Variants in PPP1R1C observed in about 807,000 individuals in gnomAD.
PPP1R1C encodes protein phosphatase 1 regulatory inhibitor subunit 1C.
Under a neutral mutation model 17.4 loss-of-function variants are expected in PPP1R1C, and 15 were observed. The ratio of observed to expected loss-of-function variants is 0.86; its 90% confidence interval spans 0.58 to 1.33. The LOEUF (loss-of-function observed/expected upper bound fraction) is 1.33. Ranked by LOEUF, PPP1R1C falls within the 40% of genes most tolerant of loss-of-function variation. The pLI is 0.00. For synonymous variants in PPP1R1C, 35 were observed against 43.1 expected, an observed-to-expected ratio of 0.81 and a Z score of 0.73; for missense variants, 143 against 130.0, an observed-to-expected ratio of 1.10 and a Z score of -0.48.
At chr2:182,071,458 T>C (rs1006028960) in intron 4 of PPP1R1C, among the ~76,000 whole-genome samples, 2 of 152,256 alleles carry the variant, frequency 1.3e-5, no homozygotes, top group Non-Finnish European at 2.9e-5. Context: ...ACCAATATGG[T>C]TTATCGCTGT....
At chr2:182,085,194 A>G (rs1327408599) in intron 4 of PPP1R1C, among the ~76,000 whole-genome samples, 3 of 152,116 alleles carry the variant, frequency 2.0e-5, no homozygotes, top group Non-Finnish European at 4.4e-5. Context: ...ATATAATCAT[A>G]TCATTAGCAA....
chr2:181,984,275 AAGT>A (rs1685248175), upstream of PPP1R1C, among the ~76,000 whole-genome samples: 3 of 152,346 alleles, frequency 2.0e-5, 1 homozygote, highest in South Asian at 6.2e-4. Flanking sequence ...TAAACTTGGT[AAGT>A]AGCAGAGCTA....
At chr2:182,013,327 C>G (rs1297870140) in intron 2 of PPP1R1C, among the ~76,000 whole-genome samples, 1 of 151,860 alleles carries the variant, frequency 6.6e-6, no homozygotes, top group Non-Finnish European at 1.5e-5. Context: ...GCATTTTTTC[C>G]CCCTTCATCA....
At chr2:182,057,798 A>T (rs1366455256) in intron 2 of PPP1R1C, among the ~76,000 whole-genome samples, 1 of 152,110 alleles carries the variant, frequency 6.6e-6, no homozygotes, top group Non-Finnish European at 1.5e-5. Context: ...TACATTGTCT[A>T]CTTTCTAATC....
chr2:182,005,781 G>T (rs1685901322), intron 2 of PPP1R1C, among the ~76,000 whole-genome samples: 1 of 152,122 alleles, frequency 6.6e-6, no homozygotes, highest in Non-Finnish European at 1.5e-5. Context: ...AACAGAAGAG[G>T]TTAACGTTGG....
At chr2:182,052,871 A>T (rs575773450) in intron 2 of PPP1R1C, among the ~76,000 whole-genome samples, 82 of 152,322 alleles carry the variant, frequency 5.4e-4, no homozygotes, top group African/African-American at 1.9e-3. Context: ...ACTTCCTGTC[A>T]GCTCATTAGA....
intron 4 of PPP1R1C, among the ~76,000 whole-genome samples, chr2:182,085,366 A>G (rs992952386): frequency 6.6e-5 from 10 of 152,100 alleles, no homozygotes; most frequent in Non-Finnish European, 1.2e-4. Flanking sequence ...ATACACATAA[A>G]CACACACACT....
At chr2:181,977,149 A>T (rs1685107637) in intron 2 of PPP1R1C, among the ~76,000 whole-genome samples, 2 of 134,670 alleles carry the variant, frequency 1.5e-5, no homozygotes, top group African/African-American at 2.9e-5. Flanking sequence ...AAAAAAAAAA[A>T]AAAAAAAAAA....
chr2:182,124,949 AG>A (rs1180808472), intron 5 of PPP1R1C, among the ~76,000 whole-genome samples: 1 of 152,094 alleles, frequency 6.6e-6, no homozygotes, highest in Non-Finnish European at 1.5e-5. Context: ...GAGTGGTGAG[AG>A]GGGGCATCCT....
chr2:182,130,329 G>A (rs990307070), downstream of PPP1R1C: 7 of 152,060 alleles, frequency 4.6e-5, no homozygotes, highest in East Asian at 1.9e-4. Flanking sequence ...ACCTACCTGC[G>A]GAATTGTGGA....
chr2:181,988,028 CTA>C, intron 2 of PPP1R1C, 129 bp downstream of exon 2: 1 of 674,588 alleles, frequency 1.5e-6, no homozygotes, highest in African/African-American at 1.9e-5. Flanking sequence ...GAAAGCTAAT[CTA>C]TAAAATGGAT....
intron 1 of PPP1R1C, among the ~76,000 whole-genome samples, chr2:181,972,187 A>T (rs901813524): frequency 6.6e-6 from 1 of 152,214 alleles, no homozygotes; most frequent in African/African-American, 2.4e-5. Flanking sequence ...TACTCAGCCA[A>T]ATTCACTAAT....
rs1487760662 is a variant in PPP1R1C at position 181,986,068 on chromosome 2, C to CT, written c.-40dup. On this transcript the variant is annotated 5_prime_UTR_variant, in exon 1 of 5. Transcript: ENST00000682840. ...ATCCCGGACACCACTTAGGGTTAGT[C>CT]TTTCTGAGCTCTTCACATCTCTGAC... The CT allele has an allele frequency of 6.6e-7, 1 of 1,512,462 alleles. No individual in the cohort carries two copies. The highest frequency in any genetic ancestry group is 9.2e-7 in the Non-Finnish European group (1 of 1,087,410). 93.7% of individuals were successfully genotyped at this position (1,512,462 alleles called of 1,614,324 possible). A position where few individuals can be genotyped will look rare whatever the true frequency, so the allele number is the denominator to read the frequency against.
chr2:181,982,984 A>G (rs112975482), upstream of PPP1R1C, among the ~76,000 whole-genome samples: 396 of 152,316 alleles, frequency 2.6e-3, 1 homozygote, highest in Non-Finnish European at 5.0e-3. Context: ...TGGTGGTACA[A>G]CATCCAACTT....
At chr2:182,115,038 A>G (rs948935431) in intron 4 of PPP1R1C, among the ~76,000 whole-genome samples, 2 of 152,158 alleles carry the variant, frequency 1.3e-5, no homozygotes, top group African/African-American at 4.8e-5. Flanking sequence ...TTTAAAGAAC[A>G]TTATCTCAAA....
At position 182,057,460 on chromosome 2, in the gene PPP1R1C, G is replaced by C. The variant is rs1196300580; in HGVS notation, c.143-3982G>C. On this transcript the variant is annotated intron_variant, in intron 2 of 4. Coordinates refer to ENST00000682840, the MANE Select transcript of PPP1R1C (RefSeq NM_001080545.3). ...AGGGCAGGAGTTTTCTGGATATGGG[G>C]AATAAATGCACAGAAGCAGCAAGCT... Among the ~76,000 whole-genome samples the C allele has an allele frequency of 2.0e-5, 3 of 152,044 alleles. No homozygotes were observed. In the East Asian group the frequency reaches 5.8e-4, roughly 29 times the overall value.
rs1331982142 is a variant in PPP1R1C at position 181,962,296 on chromosome 2, C to G, written n.111+7662C>G. 1.0e-5 allele frequency: 8 copies of G among 780,622 alleles called. No homozygotes were observed. The African/African-American group carries it at 1.2e-4, about 12-fold the overall frequency. The allele number at this position is 780,622 out of a possible 1,614,324, so 48.4% of individuals were successfully genotyped here. ...CCCCGGCCATCCCCGCGGCCAGGTC[C>G]CCGGACCCCATGCCACCCCGGAAGC... On this transcript the variant is annotated intron_variant and non_coding_transcript_variant, in intron 1 of 5. Transcript: ENST00000464264. The surrounding 1 kb of genome is among the most constrained non-coding windows in gnomAD (Gnocchi z 6.0).
chr2:181,974,402 A>G (rs1318273235), intron 1 of PPP1R1C, among the ~76,000 whole-genome samples: 1 of 152,230 alleles, frequency 6.6e-6, no homozygotes, highest in East Asian at 1.9e-4. Flanking sequence ...ATATTTCACA[A>G]AACAACCAGA....
At chr2:182,121,580 C>T (rs1016171753), downstream of PPP1R1C, among the ~76,000 whole-genome samples, 5 of 152,054 alleles carry the variant, frequency 3.3e-5, no homozygotes, top group African/African-American at 7.2e-5. Context: ...CTCCACCTCC[C>T]GGGTTCAAGC....
Sources: allele counts gnomAD v4.1 joint callset (sites outside exome capture counted in the v4.1 genomes callset), GRCh38; gene constraint gnomAD v4.1.1; non-coding constraint Gnocchi (gnomAD v3.1); transcripts MANE v1.5; gene names NCBI Gene and HGNC (gene_info 2026-07-23, HGNC 2026-07-21).